Variants in CSNK1G3 observed in about 807,000 individuals in gnomAD.
The protein encoded by CSNK1G3 is casein kinase 1 gamma 3.
Under a neutral mutation model 64.3 loss-of-function variants are expected in CSNK1G3, and 23 were observed. That is an observed-to-expected ratio of 0.36 (90% CI 0.26 to 0.51). The LOEUF is 0.51. Among genes scored for constraint, CSNK1G3 ranks in the 20% least tolerant of loss-of-function variants. The pLI is 0.96. For missense variants in CSNK1G3, 357 were observed against 510.5 expected, an observed-to-expected ratio of 0.70 and a Z score of 2.90; for synonymous variants, 158 against 162.2, an observed-to-expected ratio of 0.97 and a Z score of 0.20.
At chr5:123,512,618 G>T (rs923773162) in intron 1 of CSNK1G3, 48 bp downstream of exon 1, 9 of 149,806 alleles carry the variant, frequency 6.0e-5, no homozygotes, top group African/African-American at 2.2e-4. Context: ...CCGGCCCGGC[G>T]GCTGCCTCGG....
intron 10 of CSNK1G3, 123 bp from the exon 11 acceptor site, chr5:123,594,916 A>G: frequency 2.8e-6 from 2 of 704,960 alleles, no homozygotes; most frequent in Non-Finnish European, 4.6e-6. Flanking sequence ...ACCATGATTC[A>G]GAATAGTAAG....
At chr5:123,536,783 A>G (rs918146789) in intron 1 of CSNK1G3, among the ~76,000 whole-genome samples, 1 of 152,194 alleles carries the variant, frequency 6.6e-6, no homozygotes, top group Non-Finnish European at 1.5e-5. Context: ...AAAGGACATG[A>G]ATAGACATTT....
chr5:123,611,581 A>G (rs954188087), intron 12 of CSNK1G3, among the ~76,000 whole-genome samples: 6 of 152,246 alleles, frequency 3.9e-5, no homozygotes, highest in African/African-American at 1.4e-4. Context: ...TAAGCAAAGT[A>G]AATTGCTGAT....
intron 6 of CSNK1G3, among the ~76,000 whole-genome samples, chr5:123,583,301 T>C (rs887721431): frequency 7.7e-6 from 1 of 130,390 alleles, no homozygotes; most frequent in Non-Finnish European, 1.7e-5. Context: ...AATGCTGTTG[T>C]AAAGGTATTG....
At position 123,591,307 on chromosome 5, in the gene CSNK1G3, A is replaced by T; in HGVS notation, c.991-12A>T. On this transcript the variant is annotated splice_polypyrimidine_tract_variant and intron_variant, in intron 9 of 12. Transcript: ENST00000345990. ...ATGGAATGTATTGATACCAATTGTT[A>T]TTGTATTGTAGCCTACTCCAGTGGG... The T allele has an allele frequency of 6.5e-7, 1 of 1,534,166 alleles. No individual in the cohort carries two copies. Among genetic ancestry groups the T allele is most frequent in the Non-Finnish European group, 8.9e-7 (1 of 1,128,796 alleles).
At chr5:123,573,645 T>A in intron 5 of CSNK1G3, 104 bp downstream of exon 5, 1 of 1,015,822 alleles carries the variant, frequency 9.8e-7, no homozygotes, top group Non-Finnish European at 1.4e-6. Flanking sequence ...TTACAGAGCG[T>A]TTGACGTAAT....
Position 123,519,417 on chromosome 5 carries a change from T to TAA in CSNK1G3, c.-248+6850_-248+6851dup, listed in dbSNP as rs1366923283. 3.9e-5 allele frequency among the ~76,000 whole-genome samples: 6 copies of TAA among 152,336 alleles called. No individual in the cohort carries two copies. In the South Asian group the frequency reaches 1.2e-3, roughly 32 times the overall value. ...TTTTCATTGGCTAACTTTGAATCAA[T>TAA]AAAATAGGTGGTGAAGTTGAAAGAT... On this transcript the variant is annotated intron_variant, in intron 1 of 12. Transcript: ENST00000345990.
At chr5:123,562,473 A>G (rs1312876904) in intron 4 of CSNK1G3, among the ~76,000 whole-genome samples, 2 of 152,104 alleles carry the variant, frequency 1.3e-5, no homozygotes, top group East Asian at 1.9e-4. Context: ...TTAACTAACA[A>G]TAATAGACTG....
intron 1 of CSNK1G3, among the ~76,000 whole-genome samples, chr5:123,523,258 A>C (rs1190362323): frequency 6.6e-6 from 1 of 152,032 alleles, no homozygotes; most frequent in African/African-American, 2.4e-5. Context: ...CATATAGTTT[A>C]TATTGTTTAT....
Position 123,573,532 on chromosome 5 carries a change from TA to T in CSNK1G3, c.430del (p.Ile144TyrfsTer3), listed in dbSNP as rs750513860. On this transcript the variant is annotated frameshift_variant, in exon 5 of 13. Coordinates refer to ENST00000345990, the Ensembl canonical transcript of CSNK1G3. LOFTEE classifies it high-confidence loss of function. ...CTCTTAAAACAGTTCTCATGATAGC[TA>T]TACAACTGGTAAGTAAAATAAGGTA... 1 of 1,600,518 alleles carries T rather than the reference TA, an allele frequency of 6.2e-7. No homozygotes were observed. The highest frequency in any genetic ancestry group is 8.5e-7 in the Non-Finnish European group (1 of 1,176,194).
At chr5:123,600,028 A>G (rs1412665422) in intron 10 of CSNK1G3, among the ~76,000 whole-genome samples, 1 of 152,066 alleles carries the variant, frequency 6.6e-6, no homozygotes, top group Non-Finnish European at 1.5e-5. Context: ...GAATACCAAG[A>G]GTATCAATTA....
intron 2 of CSNK1G3, among the ~76,000 whole-genome samples, chr5:123,552,570 A>G (rs190682495): frequency 2.0e-5 from 3 of 152,228 alleles, no homozygotes; most frequent in African/African-American, 4.8e-5. Context: ...ACCAGTAACT[A>G]TTTTTCTCCT....
intron 4 of CSNK1G3, among the ~76,000 whole-genome samples, chr5:123,565,073 A>T (rs1786563957): frequency 6.6e-6 from 1 of 152,232 alleles, no homozygotes; most frequent in African/African-American, 2.4e-5. Context: ...GAGACATTTT[A>T]AAATCAAGGC....
chr5:123,593,308 G>A (rs2151008658), intron 10 of CSNK1G3, among the ~76,000 whole-genome samples: 1 of 151,874 alleles, frequency 6.6e-6, no homozygotes, highest in East Asian at 1.9e-4. Flanking sequence ...CTTTCATCAT[G>A]ATAGAAAAGT....
At chr5:123,563,411 TC>T (rs1308946714) in intron 4 of CSNK1G3, among the ~76,000 whole-genome samples, 1 of 152,070 alleles carries the variant, frequency 6.6e-6, no homozygotes, top group African/African-American at 2.4e-5. Flanking sequence ...GCCCCCTCTT[TC>T]TTCTTTATGC....
At chr5:123,571,475 T>G (rs187780073) in intron 4 of CSNK1G3, among the ~76,000 whole-genome samples, 1 of 152,046 alleles carries the variant, frequency 6.6e-6, no homozygotes, top group Non-Finnish European at 1.5e-5. Context: ...GCTGCCTCAC[T>G]CATATTCATA....
chr5:123,520,924 G>GA (rs1205321293), intron 1 of CSNK1G3, among the ~76,000 whole-genome samples: 8 of 151,802 alleles, frequency 5.3e-5, no homozygotes, highest in African/African-American at 1.9e-4. Flanking sequence ...CTATTTCTGT[G>GA]AAATACTTAT....
chr5:123,573,507 C>T, exon 5 of CSNK1G3: 1 of 1,613,186 alleles, frequency 6.2e-7, no homozygotes, highest in Non-Finnish European at 8.5e-7. Flanking sequence ...AGAACATTTT[C>T]TCTTAAAACA....
chr5:123,593,937 A>G (rs1389537876), intron 10 of CSNK1G3, among the ~76,000 whole-genome samples: 1 of 152,078 alleles, frequency 6.6e-6, no homozygotes, highest in East Asian at 1.9e-4. Flanking sequence ...ACTTTGTTTG[A>G]AAAAGAAAGA....
Sources: gnomAD v4.1 joint callset for allele counts (sites outside exome capture counted in the v4.1 genomes callset) on GRCh38, gnomAD v4.1.1 for gene constraint, MANE v1.5 for transcripts, NCBI Gene and HGNC (gene_info 2026-07-23, HGNC 2026-07-21) for gene names.